XRCC4: variants seen among roughly 807,000 people sequenced by gnomAD.
XRCC4 encodes the protein DNA repair protein XRCC4.
In XRCC4, 28 loss-of-function variants were observed where a neutral mutation model predicts 39.1. That is an observed-to-expected ratio of 0.72 (90% CI 0.53 to 0.98). The LOEUF (loss-of-function observed/expected upper bound fraction) is 0.98, where lower values mean the gene tolerates loss of function less well. XRCC4 is among the 50% of genes least tolerant of loss of function. The pLI is 0.00. For missense variants in XRCC4, 350 were observed against 376.4 expected, an observed-to-expected ratio of 0.93 and a Z score of 0.58; for synonymous variants, 123 against 126.4, an observed-to-expected ratio of 0.97 and a Z score of 0.18.
intron 6 of XRCC4, among the ~76,000 whole-genome samples, chr5:83,209,089 T>A (rs62374403): frequency 0.19 from 14,551 of 75,812 alleles, 752 homozygotes; most frequent in Non-Finnish European, 0.2. Context: ...AGTGAGTGTG[T>A]GTGTGTGTGT....
At chr5:83,231,969 G>A (rs1752512775) in intron 6 of XRCC4, among the ~76,000 whole-genome samples, 1 of 151,936 alleles carries the variant, frequency 6.6e-6, no homozygotes, top group Middle Eastern at 3.2e-3. Context: ...GTGTAATACG[G>A]TGTTTTTAAT....
At chr5:83,171,897 G>C (rs114042812) in intron 3 of XRCC4, among the ~76,000 whole-genome samples, 85 of 152,210 alleles carry the variant, frequency 5.6e-4, no homozygotes, top group African/African-American at 1.9e-3. Flanking sequence ...ACATACTATT[G>C]ATTTGAATAG....
At chr5:83,322,250 C>T (rs984005328) in intron 7 of XRCC4, among the ~76,000 whole-genome samples, 2 of 151,966 alleles carry the variant, frequency 1.3e-5, no homozygotes, top group African/African-American at 4.8e-5. Flanking sequence ...CCATTAAAAA[C>T]ATTACAATTA....
intron 3 of XRCC4, among the ~76,000 whole-genome samples, chr5:83,154,109 A>G (rs940724180): frequency 2.6e-5 from 4 of 152,192 alleles, no homozygotes; most frequent in Non-Finnish European, 4.4e-5. Context: ...ATACATATGA[A>G]TTGGCCTTTT....
At chr5:83,304,031 A>C (rs1301866664) in intron 7 of XRCC4, among the ~76,000 whole-genome samples, 1 of 152,148 alleles carries the variant, frequency 6.6e-6, no homozygotes, top group East Asian at 1.9e-4. Flanking sequence ...AAAGTAATTT[A>C]AAATATGACA....
intron 3 of XRCC4, among the ~76,000 whole-genome samples, chr5:83,142,908 T>A (rs895794577): frequency 6.6e-6 from 1 of 152,210 alleles, no homozygotes; most frequent in Non-Finnish European, 1.5e-5. Context: ...TTTAAATAAT[T>A]TTAACAAAGC....
chr5:83,178,316 C>G (rs2112642195), intron 3 of XRCC4, among the ~76,000 whole-genome samples: 1 of 152,266 alleles, frequency 6.6e-6, no homozygotes, highest in Non-Finnish European at 1.5e-5. Context: ...ACTAGAGCTA[C>G]AGACTTGAAA....
intron 6 of XRCC4, among the ~76,000 whole-genome samples, chr5:83,214,104 T>C (rs1274144504): frequency 6.6e-6 from 1 of 152,164 alleles, no homozygotes; most frequent in Admixed American, 6.5e-5. Flanking sequence ...TGTCACATAC[T>C]TAATGGTGAA....
At chr5:83,129,315 G>C (rs1434118489) in intron 3 of XRCC4, among the ~76,000 whole-genome samples, 1 of 151,392 alleles carries the variant, frequency 6.6e-6, no homozygotes, top group Non-Finnish European at 1.5e-5. Context: ...TGAGGGCTCT[G>C]TTCTGTTCCA....
chr5:83,125,720 G>A (rs150280045), intron 3 of XRCC4, among the ~76,000 whole-genome samples: 68 of 145,622 alleles, frequency 4.7e-4, no homozygotes, highest in African/African-American at 1.3e-3. Flanking sequence ...GCTGGGCGTC[G>A]TGGCACATGC....
intron 1 of XRCC4, among the ~76,000 whole-genome samples, chr5:83,103,008 T>TTATATA (rs1746011123): frequency 1.3e-4 from 2 of 15,740 alleles, no homozygotes; most frequent in Admixed American, 8.4e-4. Context: ...AAGATAGAGC[T>TTATATA]GATATATATA....
intron 1 of XRCC4, among the ~76,000 whole-genome samples, chr5:83,098,706 C>G (rs17284211): frequency 0.49 from 73,942 of 151,694 alleles, 18,813 homozygotes; most frequent in African/African-American, 0.62. Context: ...TTTGGTAACA[C>G]TAACCAGCAA....
At chr5:83,309,748 C>A (rs1755639775) in intron 7 of XRCC4, among the ~76,000 whole-genome samples, 1 of 91,960 alleles carries the variant, frequency 1.1e-5, no homozygotes, top group Non-Finnish European at 2.0e-5. Context: ...CAGAGTGAGA[C>A]CCGTCTCAAA....
intron 6 of XRCC4, among the ~76,000 whole-genome samples, chr5:83,246,349 C>T (rs527600314): frequency 5.9e-5 from 9 of 152,102 alleles, no homozygotes; most frequent in Admixed American, 2.0e-4. Flanking sequence ...TTTTAAATGC[C>T]GACTCCAGTT....
At chr5:83,219,006 A>C (rs1280152131) in intron 6 of XRCC4, among the ~76,000 whole-genome samples, 3 of 152,162 alleles carry the variant, frequency 2.0e-5, no homozygotes, top group Non-Finnish European at 4.4e-5. Context: ...TAGGATCCTG[A>C]AATTGAGATG....
intron 3 of XRCC4, among the ~76,000 whole-genome samples, chr5:83,146,542 T>G (rs1424658979): frequency 1.3e-5 from 2 of 152,200 alleles, no homozygotes; most frequent in Non-Finnish European, 2.9e-5. Flanking sequence ...GATAAAAATC[T>G]TTCTGGAAAG....
rs542187236 is a variant in XRCC4, at chr5:83,204,901, A to G, written c.725A>G (p.Asp242Gly). Residue 242 changes from aspartate to glycine, a missense_variant, in exon 6 of 8, where the codon GAT (aspartate) becomes GGT (glycine). Physicochemically the swap from Asp to Gly is moderately conservative, Grantham distance 94 (BLOSUM62 -1). Coordinates refer to ENST00000396027, the MANE Select transcript of XRCC4 (RefSeq NM_003401.5). ...GATGAGGAAAGTGAAAACCAAACTGATCTCTCTGGGTTGGCTTCAGGTAAG... is the reference window on the plus strand; with the variant it reads ...GATGAGGAAAGTGAAAACCAAACTGGTCTCTCTGGGTTGGCTTCAGGTAAG... ...STDEESENQT[D>G]LSGLASAAVS... The G allele has an allele frequency of 1.2e-6, 2 of 1,611,954 alleles. No individual in the cohort carries two copies. The highest frequency in any genetic ancestry group is 2.7e-5 in the African/African-American group (2 of 74,954).
At chr5:83,305,257 A>G (rs1297637522) in intron 7 of XRCC4, among the ~76,000 whole-genome samples, 1 of 152,078 alleles carries the variant, frequency 6.6e-6, no homozygotes, top group Non-Finnish European at 1.5e-5. Flanking sequence ...TTAATACACT[A>G]TTGTTAACTA....
the XRCC4 span, among the ~76,000 whole-genome samples, chr5:83,373,299 T>C: frequency 6.6e-6 from 1 of 152,152 alleles, no homozygotes; most frequent in Non-Finnish European, 1.5e-5. Flanking sequence ...GAGTGTTGAA[T>C]TGCTTTTTAG....
Sources: gnomAD v4.1 joint callset for allele counts (sites outside exome capture counted in the v4.1 genomes callset) on GRCh38, gnomAD v4.1.1 for gene constraint, MANE v1.5 for transcripts, NCBI Gene and HGNC (gene_info 2026-07-23, HGNC 2026-07-21) for gene names.